PLEKHS1: variants seen among roughly 807,000 people sequenced by gnomAD.
PLEKHS1 encodes the protein pleckstrin homology domain containing S1, also known as pleckstrin homology domain-containing family S member 1.
A neutral mutation model predicts 51.0 loss-of-function variants in PLEKHS1; 55 were observed. The ratio of observed to expected loss-of-function variants is 1.08; its 90% CI spans 0.87 to 1.35. The LOEUF is 1.35. Among genes scored for constraint, PLEKHS1 ranks in the 40% most tolerant of loss-of-function variants. PLEKHS1 has a pLI of 0.00. For synonymous variants in PLEKHS1, 153 were observed against 144.8 expected (o/e 1.06, Z -0.41); for missense variants, 398 against 423.0 (o/e 0.94, Z 0.52).
At position 113,776,427 on chromosome 10, in the gene PLEKHS1, T is replaced by C. The variant is rs541282167; in HGVS notation, c.1091+561T>C. Among the ~76,000 whole-genome samples the C allele has an allele frequency of 2.6e-5, 4 of 152,328 alleles. No individual in the cohort carries two copies. The South Asian group carries it at 8.3e-4, about 32-fold the overall frequency. On this transcript the variant is annotated intron_variant, in intron 11 of 11. Coordinates refer to ENST00000361048, the Ensembl canonical transcript of PLEKHS1. The stretch of plus-strand genomic sequence containing the variant: ...CTTTGTAATTTATTTTGATGGAAGA[T>C]TTCATCTTCATAAGGGAAGAAAACT...
At chr10:113,771,514 A>C (rs1266957295) in intron 7 of PLEKHS1, among the ~76,000 whole-genome samples, 1 of 151,734 alleles carries the variant, frequency 6.6e-6, no homozygotes, top group South Asian at 2.1e-4. Flanking sequence ...TCTACTAAAA[A>C]ATATACAAAA....
chr10:113,756,304 A>T (rs1403829942), intron 2 of PLEKHS1, among the ~76,000 whole-genome samples: 3 of 152,104 alleles, frequency 2.0e-5, no homozygotes, highest in Non-Finnish European at 4.4e-5. Context: ...CGTCTCTATT[A>T]AAAATACAAA....
At chr10:113,767,315 G>T in intron 4 of PLEKHS1, 30 bp from the exon 5 acceptor site, 1 of 1,512,592 alleles carries the variant, frequency 6.6e-7, no homozygotes, top group Non-Finnish European at 8.9e-7. Flanking sequence ...TATTTACCTT[G>T]GTTTAATACT....
At chr10:113,771,479 C>A (rs543584329) in intron 7 of PLEKHS1, among the ~76,000 whole-genome samples, 1 of 151,898 alleles carries the variant, frequency 6.6e-6, no homozygotes, top group South Asian at 2.1e-4. Flanking sequence ...TGAGACCAGC[C>A]TGGCCAATAT....
chr10:113,767,108 T>G (rs1276815748), intron 4 of PLEKHS1, among the ~76,000 whole-genome samples: 1 of 152,180 alleles, frequency 6.6e-6, no homozygotes, highest in Non-Finnish European at 1.5e-5. Context: ...AAAACATAAT[T>G]TGTGGAATCA....
Position 113,771,814 on chromosome 10 carries a change from G to A in PLEKHS1, c.553-156G>A, listed in dbSNP as rs1451324665. On this transcript the variant is annotated intron_variant, in intron 7 of 11. Transcript: ENST00000361048. ...CCTCAGTGGTGACCCAGACTCAAGA[G>A]GCAAGTTCAAGTTGTGTGAGCTTCT... 2.6e-5 allele frequency among the ~76,000 whole-genome samples: 4 copies of A among 152,142 alleles called. No homozygotes were observed. The East Asian group carries it at 7.7e-4, about 29-fold the overall frequency.
chr10:113,767,035 A>G (rs958036226), intron 4 of PLEKHS1, among the ~76,000 whole-genome samples: 1 of 152,236 alleles, frequency 6.6e-6, no homozygotes, highest in Non-Finnish European at 1.5e-5. Flanking sequence ...ATAGAGTTTT[A>G]AAAAATATTT....
chr10:113,753,001 A>G (rs979536632), intron 1 of PLEKHS1, among the ~76,000 whole-genome samples: 2 of 152,234 alleles, frequency 1.3e-5, no homozygotes, highest in Non-Finnish European at 2.9e-5. Flanking sequence ...AGCCATTCTG[A>G]ACACAAAAAA....
chr10:113,771,856 G>A, intron 7 of PLEKHS1, 114 bp from the exon 8 acceptor site: 1 of 1,239,844 alleles, frequency 8.1e-7, no homozygotes, highest in Middle Eastern at 2.5e-4. Flanking sequence ...AATCTTGGAA[G>A]ACCCTCTGGT....
chr10:113,764,229 T>C (rs1349942607), intron 2 of PLEKHS1, among the ~76,000 whole-genome samples: 1 of 152,110 alleles, frequency 6.6e-6, no homozygotes, highest in African/African-American at 2.4e-5. Flanking sequence ...GCCTCCCAAG[T>C]AGCTGGGACT....
chr10:113,777,133 G>A, intron 11 of PLEKHS1: 1 of 1,612,634 alleles, frequency 6.2e-7, no homozygotes, highest in Non-Finnish European at 8.5e-7. Context: ...GTGTGTCTCA[G>A]TGGGAAGGCC....
rs1198246528 is a variant in PLEKHS1 at position 113,769,868 on chromosome 10, T to G, written c.520T>G (p.Ser174Ala). The change falls in exon 7 of 12, where the codon TCC becomes GCC. Residue 174 changes from serine (S) to alanine (A), a missense_variant. Ser to Ala is a moderately conservative substitution (Grantham distance 99). Coordinates refer to ENST00000361048, the Ensembl canonical transcript of PLEKHS1. ...TTCCAGCACATCAGAGGCTGTTGGC[T>G]CCAGCTCACCAAGAAATGGTCTCCA... The G allele has an allele frequency of 1.9e-6, 3 of 1,613,860 alleles. No homozygotes were observed. The African/African-American group carries it at 4.0e-5, about 22-fold the overall frequency.
chr10:113,765,947 GGGA>G (rs1441872004), intron 2 of PLEKHS1, among the ~76,000 whole-genome samples: 2 of 152,190 alleles, frequency 1.3e-5, no homozygotes, highest in African/African-American at 4.8e-5. Flanking sequence ...AGTAATTCTG[GGGA>G]GGTGGCTGTG....
chr10:113,768,113 A>C (rs1171522992), intron 5 of PLEKHS1, among the ~76,000 whole-genome samples: 1 of 152,192 alleles, frequency 6.6e-6, no homozygotes, highest in Admixed American at 6.5e-5. Flanking sequence ...TCACCCCAGA[A>C]GCATTCCATG....
intron 2 of PLEKHS1, among the ~76,000 whole-genome samples, chr10:113,763,138 A>G (rs991983936): frequency 1.6e-4 from 24 of 152,094 alleles, no homozygotes. Context: ...AAGGGCATAT[A>G]TGTTTAAATT....
intron 2 of PLEKHS1, among the ~76,000 whole-genome samples, chr10:113,761,512 CT>C (rs1471598269): frequency 1.4e-5 from 2 of 147,358 alleles, no homozygotes; most frequent in East Asian, 4.1e-4. Context: ...AAATTTAACC[CT>C]AGGTACTTTT....
chr10:113,768,953 C>A, intron 6 of PLEKHS1, 63 bp downstream of exon 6: 2 of 1,291,150 alleles, frequency 1.5e-6, no homozygotes, highest in Non-Finnish European at 2.2e-6. Context: ...CAATAGAAAA[C>A]AATGGTAGCT....
chr10:113,760,667 T>A, intron 2 of PLEKHS1, among the ~76,000 whole-genome samples: 1 of 152,158 alleles, frequency 6.6e-6, no homozygotes, highest in East Asian at 1.9e-4. Context: ...TTGTTTGTCT[T>A]TTTGTGTTGC....
At chr10:113,777,682 T>A in intron 11 of PLEKHS1, 1 of 1,526,034 alleles carries the variant, frequency 6.6e-7, no homozygotes, top group South Asian at 1.2e-5. Flanking sequence ...CTGGCACATA[T>A]TAGGTGCTCA....
Sources: gnomAD v4.1 joint callset for allele counts (sites outside exome capture counted in the v4.1 genomes callset) on GRCh38, gnomAD v4.1.1 for gene constraint, MANE v1.5 for transcripts, NCBI Gene and HGNC (gene_info 2026-07-23, HGNC 2026-07-21) for gene names.